The following PGBD5 variants were observed in gnomAD, a reference collection of about 807,000 sequenced individuals.
PGBD5 encodes the protein piggyBac transposable element derived 5, also known as piggyBac transposable element-derived protein 5.
A neutral mutation model predicts 47.9 loss-of-function variants in PGBD5; 14 were observed. The ratio of observed to expected loss-of-function variants is 0.29; its 90% CI spans 0.19 to 0.46. PGBD5 has a LOEUF of 0.46. Among genes scored for constraint, PGBD5 ranks in the 20% least tolerant of loss-of-function variants. The pLI is 1.00. For synonymous variants in PGBD5, 316 were observed against 306.3 expected, an observed-to-expected ratio of 1.03 and a Z score of -0.33; for missense variants, 635 against 716.0, an observed-to-expected ratio of 0.89 and a Z score of 1.29.
At position 230,335,876 on chromosome 1, in the gene PGBD5, C is replaced by CA. The variant is rs1558192934; in HGVS notation, c.1075+1231_1075+1232insT. Among the ~76,000 whole-genome samples the CA allele has an allele frequency of 1.2e-3, 8 of 6,822 alleles. 4 individuals are homozygous for CA. Among genetic ancestry groups the CA allele is most frequent in the Non-Finnish European group, 4.8e-3 (6 of 1,238 alleles). The allele number at this position is 6,822 out of a possible 152,430, so 4.5% of individuals were successfully genotyped here. A position where few individuals can be genotyped will look rare whatever the true frequency, so the allele number is the denominator to read the frequency against. ...ACAGATACACACACAGATGCATACA[C>CA]GGACACACAGATGCATACACGGACA... is the stretch of plus-strand genomic sequence containing the variant. On this transcript the variant is annotated intron_variant, in intron 4 of 6. Coordinates refer to ENST00000391860, the MANE Select transcript of PGBD5 (RefSeq NM_001258311.2).
intron 2 of PGBD5, among the ~76,000 whole-genome samples, chr1:230,353,619 G>A (rs1667591728): frequency 6.6e-6 from 1 of 152,162 alleles, no homozygotes; most frequent in Non-Finnish European, 1.5e-5. Flanking sequence ...AGCCCTGAAG[G>A]ATGGTGTAAG....
rs371569313 is a variant in PGBD5, at chr1:230,405,914, T to C, written c.331+19684A>G. On this transcript the variant is annotated intron_variant, in intron 1 of 6. Transcript: ENST00000391860. ...GCATCTCAGTGATATGCACAAGACA[T>C]GCAATTCAGTTTTTAAATTAATGCC... 6.6e-5 allele frequency among the ~76,000 whole-genome samples: 10 copies of C among 152,376 alleles called. No homozygotes were observed. The South Asian group carries it at 2.1e-3, about 32-fold the overall frequency.
chr1:230,387,293 C>G (rs16851659), intron 1 of PGBD5, among the ~76,000 whole-genome samples: 53,566 of 152,068 alleles, frequency 0.35, 10,258 homozygotes, highest in Non-Finnish European at 0.43. Flanking sequence ...TTATTTCTGA[C>G]CCAACAATAA....
At chr1:230,343,944 G>A (rs934810640) in intron 3 of PGBD5, among the ~76,000 whole-genome samples, 4 of 152,110 alleles carry the variant, frequency 2.6e-5, no homozygotes, top group Admixed American at 1.3e-4. Context: ...TGTCTAAATC[G>A]GGAAAAGTTC....
chr1:230,341,874 GT>G (rs1311523171), intron 3 of PGBD5, among the ~76,000 whole-genome samples: 2 of 152,094 alleles, frequency 1.3e-5, no homozygotes, highest in Non-Finnish European at 2.9e-5. Flanking sequence ...TTCCTAAAAA[GT>G]TTTTTTGCTC....
intron 1 of PGBD5, among the ~76,000 whole-genome samples, chr1:230,396,470 C>T (rs1414641824): frequency 7.2e-6 from 1 of 138,252 alleles, no homozygotes; most frequent in Non-Finnish European, 1.6e-5. Context: ...CTCAACTTCC[C>T]CCTACTTCCG....
At chr1:230,424,980 C>T (rs1657740197) in intron 1 of PGBD5, among the ~76,000 whole-genome samples, 1 of 152,206 alleles carries the variant, frequency 6.6e-6, no homozygotes, top group South Asian at 2.1e-4. Flanking sequence ...AAGCAAGCAC[C>T]TTAACGCTGC....
intron 1 of PGBD5, among the ~76,000 whole-genome samples, chr1:230,396,803 G>T (rs1656990926): frequency 6.6e-6 from 1 of 152,092 alleles, no homozygotes; most frequent in Admixed American, 6.5e-5. Context: ...TTTAAAACCG[G>T]AAGCATACAC....
chr1:230,322,206 C>T lies in PGBD5; in HGVS notation c.*1219G>A, dbSNP rs959381205. The T allele has an allele frequency of 3.9e-5, 6 of 152,246 alleles. No individual in the cohort carries two copies. Among genetic ancestry groups the T allele is most frequent in the African/African-American group, 1.4e-4 (6 of 41,454 alleles). The allele number at this position is 152,246 out of a possible 1,614,324, so 9.4% of individuals were successfully genotyped here. ...AGTGCCCAGATCTGCCTGGGGGACACACGAGCCTCGCTGCCAGTGCCGGGC... is the reference window on the plus strand; with the variant it reads ...AGTGCCCAGATCTGCCTGGGGGACATACGAGCCTCGCTGCCAGTGCCGGGC... On this transcript the variant is annotated 3_prime_UTR_variant, in exon 7 of 7. Transcript: ENST00000391860. The surrounding 1 kb of genome is among the most constrained non-coding windows in gnomAD (Gnocchi z 5.9).
At chr1:230,406,508 G>A (rs1276410236) in intron 1 of PGBD5, among the ~76,000 whole-genome samples, 1 of 151,964 alleles carries the variant, frequency 6.6e-6, no homozygotes, top group African/African-American at 2.4e-5. Flanking sequence ...TTATGAGTAT[G>A]TTGTCCAGAT....
intron 1 of PGBD5, chr1:230,377,615 C>A: frequency 6.5e-7 from 1 of 1,541,504 alleles, no homozygotes; most frequent in South Asian, 1.2e-5. Context: ...GTTCTGTAGT[C>A]AGGCATATCT....
rs969211195 is a variant in PGBD5 at position 230,357,747 on chromosome 1, A to G, written c.332-426T>C. Among the ~76,000 whole-genome samples, 1 of 152,230 alleles carries G rather than the reference A, an allele frequency of 6.6e-6. No individual in the cohort carries two copies. The highest frequency in any genetic ancestry group is 1.5e-5 in the Non-Finnish European group (1 of 68,034). The stretch of plus-strand genomic sequence containing the variant: ...GGGAGTTTCACACACTCGGGGCACA[A>G]GCCGAGTCTTAACTAGAGATGTACA... On this transcript the variant is annotated intron_variant, in intron 1 of 6. Transcript: ENST00000391860. The surrounding 1 kb of genome is among the most constrained non-coding windows in gnomAD (Gnocchi z 5.7).
At chr1:230,403,127 A>G (rs185275172) in intron 1 of PGBD5, among the ~76,000 whole-genome samples, 7 of 152,366 alleles carry the variant, frequency 4.6e-5, no homozygotes, top group African/African-American at 1.2e-4. Context: ...CTTCTCTAAC[A>G]GAAACATGGG....
chr1:230,343,817 CCTT>C (rs1288843033), intron 3 of PGBD5, among the ~76,000 whole-genome samples: 1 of 152,210 alleles, frequency 6.6e-6, no homozygotes, highest in Admixed American at 6.5e-5. Context: ...CTTTAGTGCA[CCTT>C]CTTTAAATTC....
Position 230,338,144 on chromosome 1 carries a change from G to C in PGBD5, c.895-856C>G, listed in dbSNP as rs73119539. On this transcript the variant is annotated intron_variant, in intron 3 of 6. Coordinates refer to ENST00000391860, the MANE Select transcript of PGBD5 (RefSeq NM_001258311.2). ...CACATGCAGCTCGCATGTTGCCTGT[G>C]GTTTCTATGCAGACATCTACACTCA... Among the ~76,000 whole-genome samples the C allele has an allele frequency of 4.9e-3, 742 of 150,792 alleles. 11 individuals carry two copies. Among genetic ancestry groups the C allele is most frequent in the African/African-American group, 0.017 (698 of 41,008 alleles).
At chr1:230,346,076 C>G (rs938864907) in intron 3 of PGBD5, among the ~76,000 whole-genome samples, 3 of 152,166 alleles carry the variant, frequency 2.0e-5, no homozygotes, top group African/African-American at 7.2e-5. Context: ...GGGTCTCGCT[C>G]TGACACCCAG....
At chr1:230,405,287 C>T (rs894287257) in intron 1 of PGBD5, among the ~76,000 whole-genome samples, 5 of 152,048 alleles carry the variant, frequency 3.3e-5, no homozygotes, top group African/African-American at 4.8e-5. Flanking sequence ...CACTTATACC[C>T]GGATTTCCTT....
intron 2 of PGBD5, among the ~76,000 whole-genome samples, chr1:230,353,868 C>G (rs902726614): frequency 1.3e-5 from 2 of 152,256 alleles, no homozygotes; most frequent in Non-Finnish European, 2.9e-5. Context: ...TTTAGAGCCT[C>G]CAGCTTCTCC....
intron 1 of PGBD5, among the ~76,000 whole-genome samples, chr1:230,391,890 T>C (rs1656793204): frequency 6.6e-6 from 1 of 152,208 alleles, no homozygotes; most frequent in Non-Finnish European, 1.5e-5. Flanking sequence ...TGCTCAGCAG[T>C]GGCCCGAGCC....
Sources: gnomAD v4.1 joint callset for allele counts (sites outside exome capture counted in the v4.1 genomes callset) on GRCh38, gnomAD v4.1.1 for gene constraint, Gnocchi (gnomAD v3.1) non-coding constraint, MANE v1.5 for transcripts, NCBI Gene and HGNC (gene_info 2026-07-23, HGNC 2026-07-21) for gene names.